KLHL5: variants seen among roughly 807,000 people sequenced by gnomAD.
The protein encoded by KLHL5 is kelch-like protein 5.
Under a neutral mutation model 77.7 loss-of-function variants are expected in KLHL5, and 48 were observed. The ratio of observed to expected loss-of-function variants is 0.62; its 90% CI spans 0.49 to 0.79. The LOEUF (loss-of-function observed/expected upper bound fraction) is 0.79. Among genes scored for constraint, KLHL5 ranks in the 30% least tolerant of loss-of-function variants. The pLI is 0.00. For synonymous variants in KLHL5, 260 were observed against 297.0 expected (o/e 0.88, Z 1.28); for missense variants, 723 against 859.7 (o/e 0.84, Z 1.99).
upstream of KLHL5, among the ~76,000 whole-genome samples, chr4:39,058,390 C>T (rs1717146910): frequency 6.6e-6 from 1 of 152,048 alleles, no homozygotes; most frequent in South Asian, 2.1e-4. Flanking sequence ...CTTTAGGGGG[C>T]CATGGCGGGT....
At chr4:39,047,450 C>CGA (rs1716278631) in intron 1 of KLHL5, among the ~76,000 whole-genome samples, 2 of 152,192 alleles carry the variant, frequency 1.3e-5, no homozygotes, top group African/African-American at 4.8e-5. Context: ...ATCTATTCTT[C>CGA]AGGCAGTTCT....
chr4:39,092,274 C>T (rs1217211352), intron 5 of KLHL5, among the ~76,000 whole-genome samples: 1 of 152,028 alleles, frequency 6.6e-6, no homozygotes, highest in Non-Finnish European at 1.5e-5. Context: ...CTAAATGATA[C>T]CTGGTTCCTC....
At chr4:39,073,058 A>T (rs1560414732) in intron 1 of KLHL5, among the ~76,000 whole-genome samples, 2 of 152,210 alleles carry the variant, frequency 1.3e-5, no homozygotes, top group Non-Finnish European at 2.9e-5. Context: ...ATTATACCCT[A>T]TAAATATATA....
chr4:39,120,448 T>C (rs1723137182), intron 10 of KLHL5, among the ~76,000 whole-genome samples: 1 of 152,200 alleles, frequency 6.6e-6, no homozygotes, highest in Admixed American at 6.5e-5. Flanking sequence ...TGGGTAGCAT[T>C]TATTATTTAT....
rs1245149492 is a variant in KLHL5 at position 39,123,251 on chromosome 4, G to A, written c.*2185G>A. On this transcript the variant is annotated 3_prime_UTR_variant, in exon 11 of 11. Coordinates refer to ENST00000504108, the MANE Select transcript of KLHL5 (RefSeq NM_015990.5). ...AAATCTCCCAACAAAGAAAGTCCAG[G>A]ACTAAATGAGTTTACTGGCAAACTA... Among the ~76,000 whole-genome samples the A allele has an allele frequency of 6.6e-6, 1 of 152,116 alleles. No homozygotes were observed. Among genetic ancestry groups the A allele is most frequent in the Non-Finnish European group, 1.5e-5 (1 of 68,018 alleles).
At chr4:39,109,625 T>C (rs939135131) in intron 8 of KLHL5, among the ~76,000 whole-genome samples, 3 of 130,978 alleles carry the variant, frequency 2.3e-5, no homozygotes, top group African/African-American at 8.0e-5. Context: ...TAATTTCTTT[T>C]TCTTTTTTTT....
chr4:39,137,663 G>A, the KLHL5 span, among the ~76,000 whole-genome samples: 2 of 152,070 alleles, frequency 1.3e-5, no homozygotes, highest in Non-Finnish European at 2.9e-5. Flanking sequence ...TTGGAGAAAT[G>A]GCTGATTCCA....
intron 9 of KLHL5, among the ~76,000 whole-genome samples, chr4:39,114,323 C>T (rs1023258070): frequency 6.6e-6 from 1 of 152,196 alleles, no homozygotes; most frequent in Admixed American, 6.5e-5. Flanking sequence ...AGCAACTTCA[C>T]TTTATAACAG....
At chr4:39,066,221 G>T (rs1191676996) in intron 1 of KLHL5, among the ~76,000 whole-genome samples, 2 of 152,156 alleles carry the variant, frequency 1.3e-5, no homozygotes, top group African/African-American at 2.4e-5. Flanking sequence ...TAACAGAGCT[G>T]TCACCTTTTA....
chr4:39,092,792 T>C (rs1577702636), intron 5 of KLHL5, among the ~76,000 whole-genome samples: 1 of 152,180 alleles, frequency 6.6e-6, no homozygotes, highest in South Asian at 2.1e-4. Context: ...CATTAGTCAC[T>C]AGGAAAATGC....
In KLHL5 at chr4:39,081,896, A is replaced by T. The variant is rs947683517; in HGVS notation, c.704-67A>T. ...CTTATATGGAACCACTACTGTTAAC[A>T]TCAATTATTTTATAAAATAAGGTTA... On this transcript the variant is annotated intron_variant, in intron 3 of 10. Coordinates refer to ENST00000504108, the MANE Select transcript of KLHL5 (RefSeq NM_015990.5). The surrounding 1 kb of genome is among the most constrained non-coding windows in gnomAD (Gnocchi z 4.3). 1 of 1,178,620 alleles carries T rather than the reference A, an allele frequency of 8.5e-7. No individual in the cohort carries two copies. The highest frequency in any genetic ancestry group is 1.6e-5 in the African/African-American group (1 of 64,326). The allele number at this position is 1,178,620 out of a possible 1,614,324, so 73.0% of individuals were successfully genotyped here. A position where few individuals can be genotyped will look rare whatever the true frequency, so the allele number is the denominator to read the frequency against.
At chr4:39,073,346 C>G (rs1718670950) in intron 1 of KLHL5, among the ~76,000 whole-genome samples, 1 of 151,452 alleles carries the variant, frequency 6.6e-6, no homozygotes, top group South Asian at 2.1e-4. Flanking sequence ...CAGAACTTAA[C>G]ATTGATTAGC....
At chr4:39,067,783 C>T (rs1718032245) in intron 1 of KLHL5, among the ~76,000 whole-genome samples, 2 of 151,520 alleles carry the variant, frequency 1.3e-5, no homozygotes, top group South Asian at 2.1e-4. Context: ...TGGGTTCAAG[C>T]GATTCTCCTG....
intron 6 of KLHL5, among the ~76,000 whole-genome samples, chr4:39,097,976 C>CA (rs1037386801): frequency 6.6e-6 from 1 of 151,376 alleles, no homozygotes. Flanking sequence ...ATCAAAAATA[C>CA]AAAAAAATTA....
chr4:39,096,840 G>C lies in KLHL5; in HGVS notation c.1262G>C (p.Gly421Ala), dbSNP rs1721111674. ...PRTKPRKSTV[G>A]TLFAVGGMDS... ...ACAAAACCTAGGAAGTCAACTGTTG[G>C]TACATTATTTGCAGTTGGGGGAATG... Residue 421 changes from glycine (G) to alanine (A), a missense_variant, in exon 6 of 11, where the codon GGT becomes GCT. Transcript: ENST00000504108. 6.2e-7 allele frequency: 1 copy of C among 1,613,740 alleles called. No homozygotes were observed. Among genetic ancestry groups the C allele is most frequent in the African/African-American group, 1.3e-5 (1 of 74,898 alleles).
chr4:39,116,314 C>T (rs1398199348), intron 10 of KLHL5: 1 of 152,364 alleles, frequency 6.6e-6, no homozygotes, highest in Non-Finnish European at 1.5e-5. Context: ...GCCTGGGTGA[C>T]AGAGTGAGAC....
At chr4:39,057,750 T>G (rs976924238), upstream of KLHL5, among the ~76,000 whole-genome samples, 3 of 152,146 alleles carry the variant, frequency 2.0e-5, no homozygotes, top group African/African-American at 7.2e-5. Flanking sequence ...GCAGTGCATA[T>G]CACACACTTA....
At chr4:39,107,052 T>TC (rs1722090377) in intron 7 of KLHL5, among the ~76,000 whole-genome samples, 1 of 103,514 alleles carries the variant, frequency 9.7e-6, no homozygotes, top group Admixed American at 1.1e-4. Context: ...TTTTTTTTCT[T>TC]TTTTTTTTTT....
At chr4:39,135,989 T>G in the KLHL5 span, among the ~76,000 whole-genome samples, 1 of 149,804 alleles carries the variant, frequency 6.7e-6, no homozygotes, top group Non-Finnish European at 1.5e-5. Flanking sequence ...GGACAGTGAT[T>G]CAATTCATTC....
Sources: gnomAD v4.1 joint callset for allele counts (sites outside exome capture counted in the v4.1 genomes callset) on GRCh38, gnomAD v4.1.1 for gene constraint, Gnocchi (gnomAD v3.1) non-coding constraint, MANE v1.5 for transcripts, NCBI Gene and HGNC (gene_info 2026-07-23, HGNC 2026-07-21) for gene names.